The following TNFAIP6 variants were observed in gnomAD, a reference collection of about 807,000 sequenced individuals.
The protein encoded by TNFAIP6 is TNF alpha induced protein 6.
A neutral mutation model predicts 33.7 loss-of-function variants in TNFAIP6; 36 were observed. The observed-to-expected ratio is 1.07, with a 90% CI of 0.82 to 1.41. The LOEUF (loss-of-function observed/expected upper bound fraction) is 1.41, where lower values mean the gene tolerates loss of function less well. Ranked by LOEUF, TNFAIP6 falls within the 40% of genes most tolerant of loss-of-function variation. The probability of loss-of-function intolerance (pLI) is 0.00; values close to 1 mark genes in which losing one functional copy is unlikely to be tolerated. For synonymous variants in TNFAIP6, 113 were observed against 112.8 expected, an observed-to-expected ratio of 1.00 and a Z score of -0.01; for missense variants, 273 against 331.9, an observed-to-expected ratio of 0.82 and a Z score of 1.38.
chr2:151,376,876 T>TTG (rs1684919085), intron 5 of TNFAIP6, among the ~76,000 whole-genome samples: 1 of 149,356 alleles, frequency 6.7e-6, no homozygotes, highest in African/African-American at 2.5e-5. Context: ...TTTTTTTTTT[T>TTG]TTTTTTTTTG....
intron 5 of TNFAIP6, among the ~76,000 whole-genome samples, chr2:151,376,607 T>C (rs1684911285): frequency 6.6e-6 from 1 of 152,152 alleles, no homozygotes; most frequent in Non-Finnish European, 1.5e-5. Flanking sequence ...ATGTGGAAAC[T>C]ATGGACATAT....
intron 1 of TNFAIP6, among the ~76,000 whole-genome samples, chr2:151,363,445 C>T (rs1431672255): frequency 6.6e-6 from 1 of 151,400 alleles, no homozygotes; most frequent in Non-Finnish European, 1.5e-5. Flanking sequence ...ATCACGAGGT[C>T]AGGAGATCAA....
intron 1 of TNFAIP6, among the ~76,000 whole-genome samples, chr2:151,359,244 C>A (rs902464695): frequency 2.0e-5 from 3 of 152,076 alleles, no homozygotes; most frequent in African/African-American, 7.2e-5. Context: ...TTTTAGAAAC[C>A]ATTTAGGAAG....
chr2:151,378,129 G>A (rs1003587195), intron 5 of TNFAIP6, among the ~76,000 whole-genome samples: 1 of 152,050 alleles, frequency 6.6e-6, no homozygotes, highest in South Asian at 2.1e-4. Flanking sequence ...GGGAAGCTGG[G>A]GTAGAAGGAT....
At chr2:151,359,729 T>G (rs916498616) in intron 1 of TNFAIP6, among the ~76,000 whole-genome samples, 1 of 152,152 alleles carries the variant, frequency 6.6e-6, no homozygotes. Context: ...CAAATTTGTG[T>G]TGGGCCACAT....
intron 5 of TNFAIP6, among the ~76,000 whole-genome samples, chr2:151,378,797 C>T (rs190693078): frequency 2.6e-5 from 4 of 151,220 alleles, no homozygotes; most frequent in Admixed American, 2.6e-4. Context: ...CCCAAGAGTA[C>T]CTTTTAAATA....
Position 151,379,447 on chromosome 2 carries a change from G to C in TNFAIP6, c.748G>C (p.Val250Leu), listed in dbSNP as rs1684976846. 1 of 1,605,836 alleles carries C rather than the reference G, an allele frequency of 6.2e-7. No individual in the cohort carries two copies. The highest frequency in any genetic ancestry group is 8.5e-7 in the Non-Finnish European group (1 of 1,176,772). Residue 250 changes from valine (V) to leucine (L), a missense_variant, in exon 6 of 6, where the codon GTA becomes CTA. Val to Leu is a conservative substitution (Grantham distance 32, BLOSUM62 1). Coordinates refer to ENST00000243347, the MANE Select transcript of TNFAIP6 (RefSeq NM_007115.4). The part of the protein sequence containing the change: ...FQIKYVAMDP[V>L]SKSSQGKNTS... ...AATCAAATATGTTGCAATGGATCCT[G>C]TATCCAAATCCAGTCAAGGAAAAAA...
At chr2:151,365,990 T>C in intron 2 of TNFAIP6, 66 bp from the exon 3 acceptor site, 1 of 1,514,458 alleles carries the variant, frequency 6.6e-7, no homozygotes, top group Non-Finnish European at 9.1e-7. Flanking sequence ...CTATCTTTGC[T>C]AAGATGACTT....
chr2:151,366,197 C>T lies in TNFAIP6; in HGVS notation c.374C>T (p.Ala125Val), dbSNP rs1378365946. The stretch of plus-strand genomic sequence containing the variant: ...CTCAATAGGAGTGAAAGATGGGATG[C>T]CTATTGCTACAACCCACACGGTGTG... ...IRLNRSERWD[A>V]YCYNPHAKEC... The change falls in exon 3 of 6, where the codon GCC becomes GTC. Residue 125 changes from alanine (A) to valine (V), a missense_variant. Physicochemically the swap from Ala to Val is moderately conservative, Grantham distance 64. Coordinates refer to ENST00000243347, the MANE Select transcript of TNFAIP6 (RefSeq NM_007115.4). The T allele has an allele frequency of 1.2e-6, 2 of 1,614,030 alleles. No individual in the cohort carries two copies. Among genetic ancestry groups the T allele is most frequent in the South Asian group, 2.2e-5 (2 of 91,052 alleles).
intron 3 of TNFAIP6, among the ~76,000 whole-genome samples, chr2:151,369,812 T>C (rs1684781807): frequency 6.6e-6 from 1 of 152,164 alleles, no homozygotes; most frequent in African/African-American, 2.4e-5. Context: ...AAAGAGTCCA[T>C]GTTCATTTTA....
At chr2:151,370,944 G>A (rs1347757553) in intron 4 of TNFAIP6, among the ~76,000 whole-genome samples, 12 of 152,048 alleles carry the variant, frequency 7.9e-5, no homozygotes, top group East Asian at 1.9e-4. Flanking sequence ...GGTGGCAGGC[G>A]CCTGTAATCC....
chr2:151,377,232 G>T (rs2006806), intron 5 of TNFAIP6, among the ~76,000 whole-genome samples: 7,461 of 150,566 alleles, frequency 0.05, 262 homozygotes, highest in Middle Eastern at 0.11. Context: ...TGCAGTGGCA[G>T]GATCTCGGCT....
chr2:151,379,205 T>A (rs1558903109), intron 5 of TNFAIP6, among the ~76,000 whole-genome samples, 159 bp from the exon 6 acceptor site: 1 of 152,188 alleles, frequency 6.6e-6, no homozygotes, highest in Non-Finnish European at 1.5e-5. Context: ...CATGCGGCAA[T>A]GAAACCACAG....
intron 1 of TNFAIP6, among the ~76,000 whole-genome samples, chr2:151,361,618 A>G (rs369000093): frequency 2.0e-5 from 3 of 152,326 alleles, no homozygotes; most frequent in Admixed American, 1.3e-4. Flanking sequence ...CAAAAGCTTT[A>G]GTGTTCCTCT....
rs753656445 is a variant in TNFAIP6 at position 151,370,222 on chromosome 2, C to T, written c.597C>T (p.Tyr199=). Residue 199 remains tyrosine (Y), a synonymous_variant, in exon 4 of 6, where the codon TAC becomes TAT. Coordinates refer to ENST00000243347, the MANE Select transcript of TNFAIP6 (RefSeq NM_007115.4). ...LADYVEIYDS[Y]DDVHGFVGRY... The stretch of plus-strand genomic sequence containing the variant: ...ATTATGTTGAAATATATGACAGTTA[C>T]GATGATGTCCATGGCTTTGTGGGAA... The T allele has an allele frequency of 1.5e-5, 24 of 1,613,934 alleles. 1 individual carries two copies. The highest frequency in any genetic ancestry group is 2.7e-5 in the African/African-American group (2 of 75,026).
chr2:151,373,603 T>C lies in TNFAIP6; in HGVS notation c.664+14T>C, dbSNP rs1475362407. The stretch of plus-strand genomic sequence containing the variant: ...TCATCAGTACAGGTAAGGTTTTAAA[T>C]TGAGGACCAAAACTATGATTTGTTT... On this transcript the variant is annotated intron_variant, in intron 5 of 5. Coordinates refer to ENST00000243347, the MANE Select transcript of TNFAIP6 (RefSeq NM_007115.4). The C allele has an allele frequency of 2.0e-6, 3 of 1,491,438 alleles. No homozygotes were observed. Among genetic ancestry groups the C allele is most frequent in the Admixed American group, 3.9e-5 (2 of 51,646 alleles). The allele number at this position is 1,491,438 out of a possible 1,614,324, so 92.4% of individuals were successfully genotyped here. A position where few individuals can be genotyped will look rare whatever the true frequency, so the allele number is the denominator to read the frequency against.
At chr2:151,373,313 TAAATA>T (rs1053984173) in intron 4 of TNFAIP6, among the ~76,000 whole-genome samples, 152 of 152,194 alleles carry the variant, frequency 1.0e-3, no homozygotes, top group African/African-American at 3.3e-3. Context: ...AGACTCCATC[TAAATA>T]AAATAAAATA....
chr2:151,360,169 A>G (rs1239160848), intron 1 of TNFAIP6, among the ~76,000 whole-genome samples: 1 of 152,132 alleles, frequency 6.6e-6, no homozygotes, highest in East Asian at 1.9e-4. Context: ...GTGGTGGTGC[A>G]TGCCTGTAGT....
At chr2:151,359,033 A>C (rs990467650) in intron 1 of TNFAIP6, among the ~76,000 whole-genome samples, 1 of 152,218 alleles carries the variant, frequency 6.6e-6, no homozygotes, top group Admixed American at 6.5e-5. Flanking sequence ...TGTCTTTTAA[A>C]GTGTTGTCAT....
Sources: allele counts gnomAD v4.1 joint callset (sites outside exome capture counted in the v4.1 genomes callset), GRCh38; gene constraint gnomAD v4.1.1; transcripts MANE v1.5; gene names NCBI Gene and HGNC (gene_info 2026-07-23, HGNC 2026-07-21).